QTMAN: variants seen among roughly 807,000 people sequenced by gnomAD.
QTMAN encodes queuosine-tRNA mannosyltransferase.
At chr2:144,026,350 G>C in the QTMAN span, among the ~76,000 whole-genome samples, 3 of 152,066 alleles carry the variant, frequency 2.0e-5, no homozygotes, top group African/African-American at 7.2e-5. Context: ...CAGAAGAATC[G>C]CTTGAACCCA....
chr2:143,973,565 C>T, the QTMAN span, among the ~76,000 whole-genome samples: 37 of 151,746 alleles, frequency 2.4e-4, no homozygotes, highest in African/African-American at 7.7e-4. Flanking sequence ...CCGAGACGGG[C>T]GGATCACGAG....
At chr2:144,199,288 ATC>A in the QTMAN span, among the ~76,000 whole-genome samples, 1 of 152,140 alleles carries the variant, frequency 6.6e-6, no homozygotes, top group Non-Finnish European at 1.5e-5. Flanking sequence ...ACCCCAGGTG[ATC>A]CGCCCGCCTC....
chr2:144,022,609 G>T, the QTMAN span, among the ~76,000 whole-genome samples: 1 of 122,010 alleles, frequency 8.2e-6, no homozygotes, highest in South Asian at 2.8e-4. Flanking sequence ...CTGTCGCCAC[G>T]CTGGAGTGCA....
At chr2:143,971,055 TA>T in the QTMAN span, among the ~76,000 whole-genome samples, 1 of 152,100 alleles carries the variant, frequency 6.6e-6, no homozygotes, top group Non-Finnish European at 1.5e-5. Context: ...ACAGAAAGTA[TA>T]GTGTATTTAC....
chr2:144,300,211 T>C, the QTMAN span, among the ~76,000 whole-genome samples: 2 of 152,224 alleles, frequency 1.3e-5, no homozygotes, highest in African/African-American at 4.8e-5. Flanking sequence ...AATGGGAATG[T>C]ACCTAATGCC....
the QTMAN span, among the ~76,000 whole-genome samples, chr2:144,275,277 G>A: frequency 2.4e-3 from 359 of 151,858 alleles, 1 homozygote; most frequent in Admixed American, 5.8e-3. Flanking sequence ...CCAGCTACTC[G>A]GGAGGCTGAG....
At chr2:144,074,685 T>C in the QTMAN span, among the ~76,000 whole-genome samples, 1 of 152,200 alleles carries the variant, frequency 6.6e-6, no homozygotes, top group Non-Finnish European at 1.5e-5. Flanking sequence ...AAAGGTTAAA[T>C]GAGGGGCTTG....
the QTMAN span, among the ~76,000 whole-genome samples, chr2:144,131,005 T>C: frequency 6.6e-6 from 1 of 151,996 alleles, no homozygotes; most frequent in Non-Finnish European, 1.5e-5. Context: ...CTGATGGTTT[T>C]ACAAATTTTG....
At chr2:144,136,300 T>C in the QTMAN span, among the ~76,000 whole-genome samples, 4 of 143,650 alleles carry the variant, frequency 2.8e-5, no homozygotes, top group Admixed American at 2.9e-4. Context: ...CACTCCAGCC[T>C]GGGCGACAGA....
chr2:144,313,021 G>C, the QTMAN span, among the ~76,000 whole-genome samples: 1 of 152,170 alleles, frequency 6.6e-6, no homozygotes, highest in African/African-American at 2.4e-5. Context: ...TCTGGAAGGT[G>C]CCACTGCAGC....
chr2:144,146,967 T>C, the QTMAN span, among the ~76,000 whole-genome samples: 4 of 151,970 alleles, frequency 2.6e-5, no homozygotes, highest in Middle Eastern at 3.4e-3. Context: ...ACCACTTACA[T>C]TGCAAGTGCT....
At chr2:144,328,069 A>G in the QTMAN span, among the ~76,000 whole-genome samples, 5 of 152,190 alleles carry the variant, frequency 3.3e-5, no homozygotes, top group East Asian at 5.8e-4. Flanking sequence ...CTCCTGCCTC[A>G]GCCTCCGAGT....
At chr2:144,030,273 A>C in the QTMAN span, among the ~76,000 whole-genome samples, 2 of 152,168 alleles carry the variant, frequency 1.3e-5, no homozygotes, top group South Asian at 4.1e-4. Flanking sequence ...CAAATTCTCC[A>C]TATTAAGCAG....
the QTMAN span, among the ~76,000 whole-genome samples, chr2:144,073,226 T>A: frequency 1.3e-5 from 2 of 149,686 alleles, no homozygotes; most frequent in Admixed American, 1.3e-4. Context: ...CTTTAAGGAT[T>A]AAACATATAT....
the QTMAN span, among the ~76,000 whole-genome samples, chr2:144,081,478 G>A: frequency 3.9e-5 from 6 of 152,170 alleles, no homozygotes; most frequent in African/African-American, 1.4e-4. Context: ...GTTGGGTTAG[G>A]TTGAAACTAG....
chr2:144,276,546 T>C, the QTMAN span, among the ~76,000 whole-genome samples: 5 of 152,192 alleles, frequency 3.3e-5, no homozygotes. Flanking sequence ...TCTAACCTAA[T>C]CCTTTTTTTG....
the QTMAN span, among the ~76,000 whole-genome samples, chr2:144,095,222 C>G: frequency 2.0e-5 from 3 of 152,154 alleles, no homozygotes; most frequent in Non-Finnish European, 4.4e-5. Flanking sequence ...ACTTGTCTTG[C>G]CCAGTCTCAC....
the QTMAN span, among the ~76,000 whole-genome samples, chr2:144,018,793 T>G: frequency 6.6e-6 from 1 of 152,118 alleles, no homozygotes; most frequent in Non-Finnish European, 1.5e-5. Context: ...TCATGGAACA[T>G]ATAATGTGGT....
At chr2:144,275,035 G>A in the QTMAN span, among the ~76,000 whole-genome samples, 1 of 151,954 alleles carries the variant, frequency 6.6e-6, no homozygotes. Flanking sequence ...ACAGTGTTGA[G>A]TGCTATATGA....
Sources: allele counts gnomAD v4.1 joint callset (sites outside exome capture counted in the v4.1 genomes callset), GRCh38; gene constraint gnomAD v4.1.1; transcripts MANE v1.5; gene names NCBI Gene and HGNC (gene_info 2026-07-23, HGNC 2026-07-21).